Variants in NXPH1 observed in about 807,000 individuals in gnomAD.
NXPH1 encodes neurexophilin 1.
NXPH1 carries 5 observed loss-of-function variants against 23.7 expected under a neutral mutation model. The observed-to-expected ratio is 0.21, with a 90% CI of 0.11 to 0.44. NXPH1 has a LOEUF of 0.44. NXPH1 is among the 20% of genes least tolerant of loss of function. The pLI, the probability that NXPH1 is intolerant of heterozygous loss-of-function variation, is 0.99. For synonymous variants in NXPH1, 144 were observed against 122.2 expected, an observed-to-expected ratio of 1.18 and a Z score of -1.18; for missense variants, 324 against 321.6, an observed-to-expected ratio of 1.01 and a Z score of -0.06.
intron 2 of NXPH1, among the ~76,000 whole-genome samples, chr7:8,624,537 G>A (rs2115127634): frequency 6.6e-6 from 1 of 152,222 alleles, no homozygotes; most frequent in East Asian, 1.9e-4. Context: ...GGAGAGCAAA[G>A]CAGACAAAGC....
At chr7:8,533,761 G>A (rs1204610798) in intron 2 of NXPH1, among the ~76,000 whole-genome samples, 1 of 152,058 alleles carries the variant, frequency 6.6e-6, no homozygotes, top group Non-Finnish European at 1.5e-5. Context: ...CGTTTCTTCA[G>A]CCTGCTGTTC....
At chr7:8,455,830 T>C (rs1816584842) in intron 2 of NXPH1, among the ~76,000 whole-genome samples, 2 of 152,222 alleles carry the variant, frequency 1.3e-5, no homozygotes, top group South Asian at 4.1e-4. Flanking sequence ...AAAAAGCACA[T>C]TGGCATACTT....
intron 2 of NXPH1, among the ~76,000 whole-genome samples, chr7:8,680,534 TA>T (rs1821033689): frequency 6.6e-6 from 1 of 152,228 alleles, no homozygotes. Context: ...GATGCTTAGT[TA>T]AAACTTGTTC....
At chr7:8,520,064 A>C (rs1204426514) in intron 2 of NXPH1, among the ~76,000 whole-genome samples, 1 of 152,264 alleles carries the variant, frequency 6.6e-6, no homozygotes, top group East Asian at 1.9e-4. Context: ...TTCATTATAC[A>C]AAAAGAATGG....
intron 2 of NXPH1, among the ~76,000 whole-genome samples, chr7:8,436,164 T>C (rs951296646): frequency 6.6e-6 from 1 of 152,086 alleles, no homozygotes; most frequent in Non-Finnish European, 1.5e-5. Context: ...AAAGAACAAA[T>C]CTGCCCAGGT....
In NXPH1 at chr7:8,435,409, C is replaced by T. The variant is rs568037021; in HGVS notation, c.-110-195C>T. The T allele has an allele frequency of 2.1e-6, 1 of 478,796 alleles. No individual in the cohort carries two copies. The highest frequency in any genetic ancestry group is 3.8e-6 in the Non-Finnish European group (1 of 265,458). The allele number at this position is 478,796 out of a possible 1,614,324, so 29.7% of individuals were successfully genotyped here. A position where few individuals can be genotyped will look rare whatever the true frequency, so the allele number is the denominator to read the frequency against. ...CCCCTCACCCTCCCTCTCGTCCGCC[C>T]GCCCGCCTCCCCAGCTGCGGACCGC... On this transcript the variant is annotated intron_variant, in intron 1 of 2. Coordinates refer to ENST00000405863, the MANE Select transcript of NXPH1 (RefSeq NM_152745.3). The surrounding 1 kb of genome is among the most constrained non-coding windows in gnomAD (Gnocchi z 5.9).
chr7:8,513,681 T>A (rs1817645322), intron 2 of NXPH1, among the ~76,000 whole-genome samples: 1 of 152,076 alleles, frequency 6.6e-6, no homozygotes. Flanking sequence ...AGAGATAGGA[T>A]GAAAAAGGTA....
chr7:8,740,166 T>C (rs1780337195), intron 2 of NXPH1, among the ~76,000 whole-genome samples: 1 of 152,208 alleles, frequency 6.6e-6, no homozygotes, highest in African/African-American at 2.4e-5. Context: ...TTTCATAACC[T>C]AACTTGGCAT....
At chr7:8,634,666 T>TG (rs1820188915) in intron 2 of NXPH1, among the ~76,000 whole-genome samples, 1 of 33,682 alleles carries the variant, frequency 3.0e-5, no homozygotes, top group Non-Finnish European at 5.6e-5. Flanking sequence ...TCCAGAAGAG[T>TG]TTTTTTTTTT....
chr7:8,579,000 A>G (rs938744527), intron 2 of NXPH1, among the ~76,000 whole-genome samples: 1 of 152,184 alleles, frequency 6.6e-6, no homozygotes. Context: ...GGAAGAGGAC[A>G]CTTGGTGCTA....
chr7:8,459,082 T>G (rs1044006400), intron 2 of NXPH1, among the ~76,000 whole-genome samples: 2 of 150,982 alleles, frequency 1.3e-5, no homozygotes, highest in African/African-American at 4.9e-5. Flanking sequence ...TTCATGATTT[T>G]TCCTTGATTT....
At chr7:8,520,530 G>T (rs915327722) in intron 2 of NXPH1, among the ~76,000 whole-genome samples, 10 of 152,118 alleles carry the variant, frequency 6.6e-5, no homozygotes, top group African/African-American at 2.2e-4. Context: ...TGACCCAAAG[G>T]GAAGTGCTTA....
chr7:8,520,372 A>G (rs1817749985), intron 2 of NXPH1, among the ~76,000 whole-genome samples: 1 of 152,220 alleles, frequency 6.6e-6, no homozygotes. Flanking sequence ...TTGAGATGAC[A>G]TGGTTTTTGG....
intron 2 of NXPH1, among the ~76,000 whole-genome samples, chr7:8,696,250 C>T (rs1282020819): frequency 6.6e-6 from 1 of 152,234 alleles, no homozygotes; most frequent in African/African-American, 2.4e-5. Flanking sequence ...CCAGGAAATC[C>T]TATTAGAAAA....
intron 2 of NXPH1, among the ~76,000 whole-genome samples, chr7:8,551,565 A>C (rs1218340142): frequency 2.0e-5 from 3 of 151,556 alleles, no homozygotes; most frequent in Non-Finnish European, 4.4e-5. Flanking sequence ...TGTTTAAATA[A>C]AATAAGAATT....
At chr7:8,670,868 C>T (rs1390439470) in intron 2 of NXPH1, among the ~76,000 whole-genome samples, 1 of 152,154 alleles carries the variant, frequency 6.6e-6, no homozygotes, top group African/African-American at 2.4e-5. Context: ...ATGGGTTCCC[C>T]TCTGATACTG....
intron 2 of NXPH1, among the ~76,000 whole-genome samples, chr7:8,691,508 G>C (rs1821221066): frequency 1.3e-5 from 2 of 151,872 alleles, no homozygotes; most frequent in African/African-American, 4.8e-5. Flanking sequence ...TACACAATTT[G>C]GTATTGGTAA....
chr7:8,468,898 A>G (rs1384213227), intron 2 of NXPH1, among the ~76,000 whole-genome samples: 1 of 152,016 alleles, frequency 6.6e-6, no homozygotes, highest in Non-Finnish European at 1.5e-5. Context: ...ATTTTCTTCT[A>G]TTTCTGGAAA....
At chr7:8,731,602 G>T (rs946444371) in intron 2 of NXPH1, among the ~76,000 whole-genome samples, 16 of 152,162 alleles carry the variant, frequency 1.1e-4, no homozygotes, top group Admixed American at 2.0e-4. Flanking sequence ...ACTCGGCTGT[G>T]TGAGGTGTCA....
Sources: allele counts gnomAD v4.1 joint callset (sites outside exome capture counted in the v4.1 genomes callset), GRCh38; gene constraint gnomAD v4.1.1; non-coding constraint Gnocchi (gnomAD v3.1); transcripts MANE v1.5; gene names NCBI Gene and HGNC (gene_info 2026-07-23, HGNC 2026-07-21).